Variants in CEP164 observed in about 807,000 individuals in gnomAD.
CEP164 encodes the protein centrosomal protein 164.
In CEP164, 162 loss-of-function variants were observed where a neutral mutation model predicts 182.7. The observed-to-expected ratio is 0.89, with a 90% CI of 0.78 to 1.01. The LOEUF (loss-of-function observed/expected upper bound fraction) is 1.01. CEP164 is among the 50% of genes least tolerant of loss of function. CEP164 has a pLI of 0.00. For synonymous variants in CEP164, 661 were observed against 690.0 expected, an observed-to-expected ratio of 0.96 and a Z score of 0.66; for missense variants, 1,735 against 1,790.4, an observed-to-expected ratio of 0.97 and a Z score of 0.56.
chr11:117,384,214 C>T (rs941338804), intron 14 of CEP164, among the ~76,000 whole-genome samples: 1 of 152,178 alleles, frequency 6.6e-6, no homozygotes, highest in East Asian at 1.9e-4. Flanking sequence ...CAGGTTTATG[C>T]ACACATTACT....
chr11:117,356,729 C>T (rs1305339607), intron 5 of CEP164: 7 of 1,077,856 alleles, frequency 6.5e-6, no homozygotes, highest in African/African-American at 5.1e-5. Context: ...CCCACCCTAC[C>T]GTGGTAACTA....
intron 8 of CEP164, among the ~76,000 whole-genome samples, chr11:117,366,133 C>A (rs2041610691): frequency 6.6e-6 from 1 of 151,886 alleles, no homozygotes; most frequent in African/African-American, 2.4e-5. Flanking sequence ...CAGGGCTTTT[C>A]CTGTTGGGAG....
intron 7 of CEP164, among the ~76,000 whole-genome samples, chr11:117,363,181 G>A (rs1359096685): frequency 6.6e-6 from 1 of 152,160 alleles, no homozygotes; most frequent in Non-Finnish European, 1.5e-5. Context: ...ATGTCTTCTA[G>A]ATCTGATCCA....
chr11:117,396,959 TCA>T, intron 26 of CEP164, 130 bp from the exon 27 acceptor site: 1 of 802,140 alleles, frequency 1.2e-6, no homozygotes, highest in Non-Finnish European at 1.9e-6. Flanking sequence ...ATCCCTGCAC[TCA>T]CAGTGCCCAG....
intron 15 of CEP164, among the ~76,000 whole-genome samples, chr11:117,388,332 GT>G (rs2044186356): frequency 6.6e-6 from 1 of 152,246 alleles, no homozygotes; most frequent in African/African-American, 2.4e-5. Flanking sequence ...GAACATAGCA[GT>G]TGCTGAACAA....
At chr11:117,391,572 T>G (rs756222430) in intron 17 of CEP164, among the ~76,000 whole-genome samples, 1 of 151,872 alleles carries the variant, frequency 6.6e-6, no homozygotes, top group Non-Finnish European at 1.5e-5. Context: ...TGAAAGAGAT[T>G]TAGCCAGACC....
chr11:117,412,045 T>G (rs781275391), intron 32 of CEP164, 27 bp from the exon 33 acceptor site: 1 of 1,613,328 alleles, frequency 6.2e-7, no homozygotes, highest in Non-Finnish European at 8.5e-7. Context: ...GCCCAGCGAC[T>G]GCAGTTTTCC....
intron 5 of CEP164, chr11:117,355,661 G>A (rs1022400804): frequency 9.2e-6 from 11 of 1,191,218 alleles, no homozygotes; most frequent in Non-Finnish European, 1.2e-5. Context: ...CTGGCAGGGA[G>A]TTCCTGGGGA....
chr11:117,397,174 C>T lies in CEP164; in HGVS notation c.3362C>T (p.Thr1121Ile), dbSNP rs2045583106. Residue 1121 changes from threonine to isoleucine, a missense_variant, in exon 27 of 33, where the codon ACA (threonine) becomes ATA (isoleucine). Transcript: ENST00000278935. ...RSAKEFLVQQ[T>I]RSMRRRQTAL... The stretch of plus-strand genomic sequence containing the variant: ...GCCAAGGAGTTCCTTGTGCAGCAGA[C>T]ACGCTCCATGCGGAGGCGGCAGACA... 2 of 1,614,152 alleles carry T rather than the reference C, an allele frequency of 1.2e-6. No individual in the cohort carries two copies. Among genetic ancestry groups the T allele is most frequent in the South Asian group, 2.2e-5 (2 of 91,086 alleles).
At chr11:117,337,426 T>C (rs1042974840) in intron 2 of CEP164, among the ~76,000 whole-genome samples, 2 of 150,958 alleles carry the variant, frequency 1.3e-5, no homozygotes, top group African/African-American at 2.4e-5. Flanking sequence ...GTATTTTTCT[T>C]ACTTTGAGAG....
At chr11:117,362,074 G>A (rs2041054206) in intron 6 of CEP164, 81 bp downstream of exon 6, 2 of 1,323,894 alleles carry the variant, frequency 1.5e-6, no homozygotes, top group African/African-American at 1.5e-5. Context: ...TGGCCTAGGG[G>A]TGAGAAATAG....
rs530945668 is a variant in CEP164, at chr11:117,409,051, G to A, written c.3748+23G>A. ...GGAGTGAGTGGGGGAGATGCGGGGT[G>A]AGGACCATGGTATCCATGGAATGGG... On this transcript the variant is annotated intron_variant, in intron 29 of 32. Coordinates refer to ENST00000278935, the MANE Select transcript of CEP164 (RefSeq NM_014956.5). The surrounding 1 kb of genome is among the most constrained non-coding windows in gnomAD (Gnocchi z 4.4). 8.7e-6 allele frequency: 14 copies of A among 1,613,692 alleles called. No individual in the cohort carries two copies. In the African/African-American group the frequency reaches 1.7e-4, roughly 20 times the overall value.
chr11:117,359,126 TAG>T (rs1429082560), intron 5 of CEP164, among the ~76,000 whole-genome samples: 1 of 152,266 alleles, frequency 6.6e-6, no homozygotes, highest in East Asian at 1.9e-4. Context: ...TGTATTTTAG[TAG>T]AGACAGGGTT....
In CEP164 at chr11:117,411,211, C is replaced by A; in HGVS notation, c.4163+317C>A. On this transcript the variant is annotated intron_variant, in intron 31 of 32. Transcript: ENST00000278935. The surrounding 1 kb of genome is among the most constrained non-coding windows in gnomAD (Gnocchi z 4.4). ...CTGGTGGGACCCTGCCCCCGCCCCT[C>A]CCTCTAGCCCCTCCAGCCCCGGAGT... The A allele has an allele frequency of 2.9e-6, 1 of 344,520 alleles. No homozygotes were observed. The highest frequency in any genetic ancestry group is 5.5e-6 in the Non-Finnish European group (1 of 182,328). The allele number at this position is 344,520 out of a possible 1,614,324, so 21.3% of individuals were successfully genotyped here.
intron 14 of CEP164, chr11:117,385,182 G>A (rs1367948277): frequency 3.3e-5 from 5 of 152,198 alleles, no homozygotes; most frequent in Non-Finnish European, 7.3e-5. Flanking sequence ...GTATCTTTGA[G>A]CTACTTGGTG....
At chr11:117,330,422 G>A (rs1044677662) in intron 1 of CEP164, among the ~76,000 whole-genome samples, 1 of 152,204 alleles carries the variant, frequency 6.6e-6, no homozygotes, top group Non-Finnish European at 1.5e-5. Context: ...GGAGGCCAAG[G>A]CGGGCGGATC....
chr11:117,374,723 G>T (rs996294550), intron 10 of CEP164, among the ~76,000 whole-genome samples: 1 of 152,270 alleles, frequency 6.6e-6, no homozygotes, highest in African/African-American at 2.4e-5. Context: ...TCTCTCGGAA[G>T]CAAGGGGGCT....
intron 3 of CEP164, among the ~76,000 whole-genome samples, chr11:117,342,721 C>T (rs1007988707): frequency 2.0e-5 from 3 of 152,054 alleles, no homozygotes; most frequent in Admixed American, 2.0e-4. Flanking sequence ...AGTGATCTGC[C>T]CACCTTGGCC....
intron 1 of CEP164, among the ~76,000 whole-genome samples, chr11:117,329,940 G>A (rs191728868): frequency 2.7e-5 from 4 of 146,224 alleles, no homozygotes; most frequent in African/African-American, 1.0e-4. Context: ...GTGAGATGAT[G>A]TATATAGAGC....
Sources: allele counts gnomAD v4.1 joint callset (sites outside exome capture counted in the v4.1 genomes callset), GRCh38; gene constraint gnomAD v4.1.1; non-coding constraint Gnocchi (gnomAD v3.1); transcripts MANE v1.5; gene names NCBI Gene and HGNC (gene_info 2026-07-23, HGNC 2026-07-21).